FANCD2: variants seen among roughly 807,000 people sequenced by gnomAD.
FANCD2 encodes FA complementation group D2.
In FANCD2, 131 loss-of-function variants were observed where a neutral mutation model predicts 192.3. That is an observed-to-expected ratio of 0.68 (90% CI 0.59 to 0.79). The LOEUF is 0.79. Among genes scored for constraint, FANCD2 ranks in the 30% least tolerant of loss-of-function variants. The pLI, the probability that FANCD2 is intolerant of heterozygous loss-of-function variation, is 0.00. For synonymous variants in FANCD2, 524 were observed against 612.5 expected (o/e 0.86, Z 2.13); for missense variants, 1,508 against 1,701.6 (o/e 0.89, Z 2.00).
intron 18 of FANCD2, chr3:10,057,994 G>T: frequency 2.4e-6 from 1 of 416,502 alleles, no homozygotes; most frequent in South Asian, 2.0e-5. Flanking sequence ...TAGCTTTTTT[G>T]AGTTAAGCTA....
intron 29 of FANCD2, 50 bp from the exon 30 acceptor site, chr3:10,078,026 TTATCA>T: frequency 8.0e-7 from 1 of 1,250,920 alleles, no homozygotes. Context: ...AGAAAAAAAA[TTATCA>T]TGAAATGACT....
intron 19 of FANCD2, among the ~76,000 whole-genome samples, chr3:10,061,262 G>A (rs1238370742): frequency 6.6e-6 from 1 of 152,170 alleles, no homozygotes; most frequent in Non-Finnish European, 1.5e-5. Flanking sequence ...TTCTTGCAAC[G>A]TACTTTTATA....
chr3:10,050,546 C>T (rs762876564), intron 17 of FANCD2, among the ~76,000 whole-genome samples: 4 of 150,320 alleles, frequency 2.7e-5, no homozygotes, highest in Non-Finnish European at 4.4e-5. Context: ...TGGCGTGAAC[C>T]CAGGAGGCGG....
At position 10,088,851 on chromosome 3, in the gene FANCD2, G is replaced by A; in HGVS notation, c.3584G>A (p.Ser1195Asn). 1 of 1,614,166 alleles carries A rather than the reference G, an allele frequency of 6.2e-7. No homozygotes were observed. The change falls in exon 36 of 44, where the codon AGC (serine) becomes AAC (asparagine). Residue 1195 changes from serine to asparagine, a missense_variant. Coordinates refer to ENST00000675286, the MANE Select transcript of FANCD2 (RefSeq NM_001018115.3). ...AGTATCTACCTGGAGCACACAGAGA[G>A]CATTCTGAAGGCCATAGAGGAGATT... is the stretch of plus-strand genomic sequence containing the variant. The part of the protein sequence containing the change: ...LLCIYLEHTE[S>N]ILKAIEEIAG...
intron 33 of FANCD2, among the ~76,000 whole-genome samples, chr3:10,086,430 A>G (rs1694206480): frequency 3.3e-5 from 5 of 152,046 alleles, no homozygotes; most frequent in Non-Finnish European, 7.4e-5. Flanking sequence ...TTGGTAACCT[A>G]GACCATCACT....
Position 10,046,397 on chromosome 3 carries a change from CTTTA to C in FANCD2, c.1135-177_1135-174del, listed in dbSNP as rs1387677466. 1.4e-5 allele frequency: 14 copies of C among 1,005,388 alleles called. No homozygotes were observed. In the East Asian group the frequency reaches 3.9e-4, roughly 28 times the overall value. 62.3% of individuals were successfully genotyped at this position (1,005,388 alleles called of 1,614,324 possible). A position where few individuals can be genotyped will look rare whatever the true frequency, so the allele number is the denominator to read the frequency against. ...GTATCAATGGTTAACAGTTGTGGCA[CTTTA>C]TTTATCTGAAAAATATTTCTGAGTT... is the stretch of plus-strand genomic sequence containing the variant. On this transcript the variant is annotated intron_variant, in intron 14 of 43. Transcript: ENST00000675286.
intron 38 of FANCD2, 96 bp downstream of exon 38, chr3:10,092,348 T>A: frequency 1.1e-6 from 1 of 931,920 alleles, no homozygotes; most frequent in Non-Finnish European, 1.8e-6. Context: ...CTCTTCCCAC[T>A]CTTCCTTGGG....
At chr3:10,070,991 C>T (rs1323156759) in intron 26 of FANCD2, among the ~76,000 whole-genome samples, 5 of 147,500 alleles carry the variant, frequency 3.4e-5, no homozygotes, top group African/African-American at 1.0e-4. Flanking sequence ...ACAAACACTG[C>T]GGAAGGCCGC....
intron 7 of FANCD2, among the ~76,000 whole-genome samples, chr3:10,036,574 C>A (rs1197184514): frequency 6.6e-6 from 1 of 152,064 alleles, no homozygotes; most frequent in Admixed American, 6.5e-5. Context: ...GTGGCTCACA[C>A]CTGTAATCCC....
At position 10,063,810 on chromosome 3, in the gene FANCD2, T is replaced by C. The variant is rs2125032585; in HGVS notation, c.1846T>C (p.Leu616=). Residue 616 remains leucine (L), a synonymous_variant, in exon 21 of 44, where the codon TTG becomes CTG. Coordinates refer to ENST00000675286, the MANE Select transcript of FANCD2 (RefSeq NM_001018115.3). ...GCTCCAGGTGACCTCCTTGTTGCAG[T>C]TGGTTCATTCCTGCAGTGAGCAGTC... ...QCTQVTSLLQ[L]VHSCSEQSPQ... The C allele has an allele frequency of 1.2e-6, 2 of 1,614,222 alleles. No individual in the cohort carries two copies. The highest frequency in any genetic ancestry group is 2.2e-5 in the East Asian group (1 of 44,890).
rs760054945 is a variant in FANCD2, at chr3:10,090,316, T to C, written c.3708T>C (p.Arg1236=). 45 of 1,613,432 alleles carry C rather than the reference T, an allele frequency of 2.8e-5. No individual in the cohort carries two copies. The highest frequency in any genetic ancestry group is 3.6e-5 in the Non-Finnish European group (42 of 1,179,848). ...LTRHTFVVFF[R]VMMAELEKTV... ...GGCATACTTTTGTTGTTTTCTTCCG[T>C]GTGATGATGGCTGAACTAGAGAAGA... The change falls in exon 37 of 44, where the codon CGT becomes CGC. Residue 1236 remains arginine (R), a synonymous_variant. Transcript: ENST00000675286.
chr3:10,097,375 C>T (rs530863190), intron 42 of FANCD2, among the ~76,000 whole-genome samples: 6 of 152,256 alleles, frequency 3.9e-5, no homozygotes, highest in South Asian at 2.1e-4. Context: ...TCTGCAGTCT[C>T]GACCATAAGA....
At chr3:10,081,582 T>G (rs1693838490) in intron 32 of FANCD2, 118 bp downstream of exon 32, 2 of 812,332 alleles carry the variant, frequency 2.5e-6, no homozygotes, top group Non-Finnish European at 4.3e-6. Context: ...GTGAATATGG[T>G]TCATTAATTT....
chr3:10,067,172 C>A, intron 25 of FANCD2, 37 bp from the exon 26 acceptor site: 2 of 1,286,172 alleles, frequency 1.6e-6, no homozygotes, highest in African/African-American at 1.5e-5. Context: ...AAAATCTGAA[C>A]ATTTGGAAGT....
intron 16 of FANCD2, among the ~76,000 whole-genome samples, chr3:10,048,525 G>A (rs564837602): frequency 1.3e-5 from 2 of 152,210 alleles, no homozygotes; most frequent in South Asian, 2.1e-4. Context: ...GGCTGGTCTC[G>A]AACTCCTGAC....
chr3:10,061,936 C>G (rs779496643), intron 19 of FANCD2, among the ~76,000 whole-genome samples: 3 of 127,106 alleles, frequency 2.4e-5, no homozygotes, highest in African/African-American at 9.3e-5. Flanking sequence ...CACATGGACA[C>G]AGGAAAGGGA....
chr3:10,100,581 G>A (rs58598088), intron 43 of FANCD2, among the ~76,000 whole-genome samples: 2 of 152,074 alleles, frequency 1.3e-5, no homozygotes, highest in Admixed American at 6.5e-5. Context: ...CATGTTGGCC[G>A]GGCTGGTCTC....
chr3:10,036,885 G>T (rs570691535), intron 7 of FANCD2, among the ~76,000 whole-genome samples: 1 of 152,156 alleles, frequency 6.6e-6, no homozygotes, highest in East Asian at 1.9e-4. Flanking sequence ...GCCCAGGCTG[G>T]AGTGCCGTAG....
rs528716922 is a variant in FANCD2 at position 10,036,002 on chromosome 3, C to T, written c.439-285C>T. Among the ~76,000 whole-genome samples, 544 of 151,398 alleles carry T rather than the reference C, an allele frequency of 3.6e-3. 5 individuals carry two copies. Among genetic ancestry groups the T allele is most frequent in the Middle Eastern group, 0.028 (8 of 290 alleles). Reference sequence around the variant, plus strand: ...CATATTCTAAAAATGAAGACATATTCGTGTGGATATCCTTGTAATAAGATA... The same window carrying T: ...CATATTCTAAAAATGAAGACATATTTGTGTGGATATCCTTGTAATAAGATA... On this transcript the variant is annotated intron_variant, in intron 6 of 43. Transcript: ENST00000675286.
Sources: gnomAD v4.1 joint callset for allele counts (sites outside exome capture counted in the v4.1 genomes callset) on GRCh38, gnomAD v4.1.1 for gene constraint, MANE v1.5 for transcripts, NCBI Gene and HGNC (gene_info 2026-07-23, HGNC 2026-07-21) for gene names.